Variants in SUPT3H observed in about 807,000 individuals in gnomAD.
The protein encoded by SUPT3H is transcription initiation protein SPT3 homolog.
A neutral mutation model predicts 44.3 loss-of-function variants in SUPT3H; 44 were observed. The observed-to-expected ratio is 0.99, with a 90% confidence interval of 0.78 to 1.28. The LOEUF (loss-of-function observed/expected upper bound fraction) is 1.28. Among genes scored for constraint, SUPT3H ranks in the 50% most tolerant of loss-of-function variants. The pLI is 0.00. For synonymous variants in SUPT3H, 124 were observed against 125.6 expected (o/e 0.99, Z 0.09); for missense variants, 380 against 387.1 (o/e 0.98, Z 0.15).
At chr6:45,018,483 T>C (rs970596294) in intron 4 of SUPT3H, among the ~76,000 whole-genome samples, 4 of 152,020 alleles carry the variant, frequency 2.6e-5, no homozygotes, top group African/African-American at 4.8e-5. Context: ...GGCTGTGGGT[T>C]TGTCATAGAT....
intron 6 of SUPT3H, among the ~76,000 whole-genome samples, chr6:44,988,412 C>G (rs1242187985): frequency 2.0e-5 from 3 of 149,980 alleles, no homozygotes; most frequent in Non-Finnish European, 4.4e-5. Context: ...ATATAAAACA[C>G]CCAGCCATTT....
chr6:44,866,109 T>C (rs1424258090), intron 10 of SUPT3H, among the ~76,000 whole-genome samples: 1 of 72,672 alleles, frequency 1.4e-5, no homozygotes, highest in Non-Finnish European at 4.0e-5. Flanking sequence ...ACATCGACTT[T>C]TTTTTTTTTT....
intron 2 of SUPT3H, among the ~76,000 whole-genome samples, chr6:45,141,218 T>C (rs2153589855): frequency 6.6e-6 from 1 of 151,158 alleles, no homozygotes; most frequent in Non-Finnish European, 1.5e-5. Flanking sequence ...CACATGCCTG[T>C]AATCCCAGCT....
At chr6:45,100,686 A>C (rs1395171721) in intron 3 of SUPT3H, among the ~76,000 whole-genome samples, 1 of 152,142 alleles carries the variant, frequency 6.6e-6, no homozygotes, top group East Asian at 1.9e-4. Flanking sequence ...GTTATTATCA[A>C]AAACAAGGTT....
intron 3 of SUPT3H, among the ~76,000 whole-genome samples, chr6:45,029,206 T>C (rs1177059125): frequency 6.6e-6 from 1 of 151,898 alleles, no homozygotes; most frequent in African/African-American, 2.4e-5. Flanking sequence ...TCATTTTAAC[T>C]GTTCTTTTTA....
intron 2 of SUPT3H, among the ~76,000 whole-genome samples, chr6:45,352,735 C>A (rs1792318610): frequency 6.6e-6 from 1 of 150,774 alleles, no homozygotes. Flanking sequence ...AAAATAGAAC[C>A]ATTTGATCAC....
rs144106331 is a variant in SUPT3H, at chr6:45,295,642, T to C, written c.101+69559A>G. 1.9e-4 allele frequency among the ~76,000 whole-genome samples: 27 copies of C among 144,818 alleles called. No individual in the cohort carries two copies. In the East Asian group the frequency reaches 5.4e-3, roughly 29 times the overall value. The stretch of plus-strand genomic sequence containing the variant: ...AAGGTCTAATACCCAAAATCTACAA[T>C]GAACTCACAGAAATCAACAAGAAAA... On this transcript the variant is annotated intron_variant, in intron 2 of 10. Transcript: ENST00000371459.
At chr6:45,042,085 T>C (rs867790430) in intron 3 of SUPT3H, among the ~76,000 whole-genome samples, 3 of 152,270 alleles carry the variant, frequency 2.0e-5, no homozygotes, top group Middle Eastern at 3.4e-3. Flanking sequence ...GAATTTAATA[T>C]TATGAAAGAA....
intron 2 of SUPT3H, among the ~76,000 whole-genome samples, chr6:45,300,974 C>A (rs953068153): frequency 1.8e-4 from 27 of 152,126 alleles, no homozygotes; most frequent in African/African-American, 6.5e-4. Context: ...CTAACTGGCA[C>A]CAGGGAGATG....
intron 10 of SUPT3H, among the ~76,000 whole-genome samples, chr6:44,883,937 T>C (rs1466477730): frequency 6.6e-6 from 1 of 151,780 alleles, no homozygotes; most frequent in Non-Finnish European, 1.5e-5. Flanking sequence ...ACCTAGGCAA[T>C]ACCCATAAGC....
rs914353531 is a variant in SUPT3H, at chr6:45,296,475, A to G, written c.101+68726T>C. Among the ~76,000 whole-genome samples, 11 of 152,214 alleles carry G rather than the reference A, an allele frequency of 7.2e-5. No homozygotes were observed. In the Middle Eastern group the frequency reaches 0.017, roughly 235 times the overall value. On this transcript the variant is annotated intron_variant, in intron 2 of 10. Transcript: ENST00000371459. ...CGAACAGTGCCAGGTGTGATGACTC[A>G]TGCCTGTAATCCCAGCACTTTGGGA...
chr6:44,962,333 A>G (rs936145854), intron 6 of SUPT3H, among the ~76,000 whole-genome samples: 15 of 152,210 alleles, frequency 9.9e-5, no homozygotes, highest in African/African-American at 3.6e-4. Flanking sequence ...CAGATCCTTT[A>G]ATCTGAGTCC....
intron 2 of SUPT3H, among the ~76,000 whole-genome samples, chr6:45,317,159 A>T (rs2150017309): frequency 7.3e-6 from 1 of 137,444 alleles, no homozygotes; most frequent in East Asian, 2.5e-4. Context: ...CCTGGGAGGT[A>T]GAGGTTGCAG....
chr6:45,206,118 A>G (rs2153628300), intron 2 of SUPT3H, among the ~76,000 whole-genome samples: 1 of 152,316 alleles, frequency 6.6e-6, no homozygotes, highest in African/African-American at 2.4e-5. Flanking sequence ...GCAAGCACCT[A>G]CCATGTGTGA....
intron 3 of SUPT3H, among the ~76,000 whole-genome samples, chr6:45,068,868 A>G (rs1353022287): frequency 3.9e-5 from 6 of 152,144 alleles, no homozygotes; most frequent in Non-Finnish European, 8.8e-5. Context: ...ATGAATTACT[A>G]ATCAGTAGAA....
chr6:44,851,804 T>A lies in SUPT3H; in HGVS notation c.913-21947A>T, dbSNP rs78613489. 6.5e-3 allele frequency among the ~76,000 whole-genome samples: 987 copies of A among 152,206 alleles called. 12 individuals are homozygous for A. The highest frequency in any genetic ancestry group is 0.022 in the African/African-American group (932 of 41,516). ...AGTTGATGAAATCTGGTGTCTGGAG[T>A]GATTTCTATAAAAAGCTGCTCATTG... is the stretch of plus-strand genomic sequence containing the variant. On this transcript the variant is annotated intron_variant, in intron 10 of 10. Transcript: ENST00000371459.
intron 10 of SUPT3H, among the ~76,000 whole-genome samples, chr6:44,885,818 G>C (rs180711979): frequency 6.6e-6 from 1 of 152,128 alleles, no homozygotes; most frequent in Non-Finnish European, 1.5e-5. Context: ...AAACTACTCC[G>C]AGCTACAGGA....
chr6:44,983,944 T>C (rs1779432735), intron 6 of SUPT3H, among the ~76,000 whole-genome samples: 1 of 152,128 alleles, frequency 6.6e-6, no homozygotes, highest in Non-Finnish European at 1.5e-5. Flanking sequence ...TTAAAGAAAA[T>C]TTAGATGACA....
intron 2 of SUPT3H, among the ~76,000 whole-genome samples, chr6:45,171,188 T>C (rs556820343): frequency 6.6e-6 from 1 of 152,194 alleles, no homozygotes; most frequent in Non-Finnish European, 1.5e-5. Flanking sequence ...TCTATATTAG[T>C]TTTGAGCATG....
Sources: gnomAD v4.1 joint callset for allele counts (sites outside exome capture counted in the v4.1 genomes callset) on GRCh38, gnomAD v4.1.1 for gene constraint, MANE v1.5 for transcripts, NCBI Gene and HGNC (gene_info 2026-07-23, HGNC 2026-07-21) for gene names.